Variants in EVI5 observed in about 807,000 individuals in gnomAD.
The protein encoded by EVI5 is ecotropic viral integration site 5, also known as ecotropic viral integration site 5 protein homolog.
In EVI5, 73 loss-of-function variants were observed where a neutral mutation model predicts 112.0. The ratio of observed to expected loss-of-function variants is 0.65; its 90% CI spans 0.54 to 0.79. The LOEUF is 0.79. Among genes scored for constraint, EVI5 ranks in the 30% least tolerant of loss-of-function variants. EVI5 has a pLI of 0.00. For missense variants in EVI5, 900 were observed against 968.8 expected (o/e 0.93, Z 0.94); for synonymous variants, 305 against 319.9 (o/e 0.95, Z 0.50).
At chr1:92,764,283 C>T (rs1261802348) in intron 1 of EVI5, among the ~76,000 whole-genome samples, 2 of 152,146 alleles carry the variant, frequency 1.3e-5, no homozygotes, top group East Asian at 3.8e-4. Context: ...TTCAAAACAT[C>T]TGAGTACAGC....
intron 2 of EVI5, among the ~76,000 whole-genome samples, chr1:92,715,656 C>T (rs762986594): frequency 2.0e-5 from 3 of 152,144 alleles, no homozygotes; most frequent in Admixed American, 6.5e-5. Context: ...CAGGGCGGGG[C>T]GTCACCTCAC....
chr1:92,765,215 C>T (rs1421423184), intron 1 of EVI5, among the ~76,000 whole-genome samples: 14 of 116,408 alleles, frequency 1.2e-4, no homozygotes, highest in Admixed American at 2.0e-4. Flanking sequence ...TTTTTCCTTC[C>T]TTTTTTTTTT....
rs770888665 is a variant in EVI5, at chr1:92,613,516, C to T, written c.1828-5789G>A. 4.3e-4 allele frequency among the ~76,000 whole-genome samples: 66 copies of T among 152,144 alleles called. 1 individual carries two copies. Among genetic ancestry groups the T allele is most frequent in the Non-Finnish European group, 9.3e-4 (63 of 68,022 alleles). The stretch of plus-strand genomic sequence containing the variant: ...GTTTCACCATGCTGGTCTTAAACTC[C>T]TGACCTCAGGTCATCCACCTGCCTC... On this transcript the variant is annotated intron_variant, in intron 16 of 19. Coordinates refer to ENST00000684568, the MANE Select transcript of EVI5 (RefSeq NM_001350197.2).
chr1:92,633,455 T>C (rs1657668839), intron 14 of EVI5, among the ~76,000 whole-genome samples: 1 of 152,192 alleles, frequency 6.6e-6, no homozygotes, highest in Non-Finnish European at 1.5e-5. Flanking sequence ...TTGATCTTTG[T>C]TGGTTTAAAG....
rs200628368 is a variant in EVI5, at chr1:92,694,389, C to T, written c.910-1G>A. ...CTACACGAAACACTATTTCTAAACC[C>T]TGAGGAAACAAATTAAATAAATCCA... On this transcript the variant is annotated splice_acceptor_variant, in intron 7 of 19. Transcript: ENST00000684568. LOFTEE classifies it high-confidence loss of function. 4.5e-5 allele frequency: 71 copies of T among 1,561,924 alleles called. No individual in the cohort carries two copies. The highest frequency in any genetic ancestry group is 5.9e-5 in the Non-Finnish European group (68 of 1,144,942).
chr1:92,701,457 T>C (rs916077855), intron 5 of EVI5, among the ~76,000 whole-genome samples: 14 of 152,200 alleles, frequency 9.2e-5, no homozygotes, highest in Admixed American at 7.9e-4. Flanking sequence ...AAAACCACCC[T>C]ATATGACTCA....
intron 14 of EVI5, 54 bp from the exon 15 acceptor site, chr1:92,625,988 A>G: frequency 9.0e-7 from 1 of 1,106,966 alleles, no homozygotes; most frequent in East Asian, 2.4e-5. Context: ...AATAAAATAC[A>G]GCACACACAA....
chr1:92,646,101 T>A (rs1007727938), intron 13 of EVI5, among the ~76,000 whole-genome samples: 1 of 152,240 alleles, frequency 6.6e-6, no homozygotes, highest in East Asian at 1.9e-4. Context: ...TCTACTGCAA[T>A]CACTTAAATG....
At chr1:92,541,431 A>C (rs1664785863) in intron 19 of EVI5, among the ~76,000 whole-genome samples, 1 of 152,180 alleles carries the variant, frequency 6.6e-6, no homozygotes, top group Admixed American at 6.5e-5. Context: ...CAAAACCATA[A>C]TGAGATACTA....
rs1394335990 is a variant in EVI5 at position 92,509,433 on chromosome 1, CAAA to C, written c.*4220_*4222del. 1 of 151,744 alleles carries C rather than the reference CAAA, an allele frequency of 6.6e-6. No individual in the cohort carries two copies. Among genetic ancestry groups the C allele is most frequent in the Non-Finnish European group, 1.5e-5 (1 of 68,188 alleles). 9.4% of individuals were successfully genotyped at this position (151,744 alleles called of 1,614,324 possible). A position where few individuals can be genotyped will look rare whatever the true frequency, so the allele number is the denominator to read the frequency against. On this transcript the variant is annotated 3_prime_UTR_variant, in exon 20 of 20. Coordinates refer to ENST00000684568, the MANE Select transcript of EVI5 (RefSeq NM_001350197.2). ...AAAAACAAACAAACAAACAAACAAA[CAAA>C]AAAGACGGTGGGGGCAGAAATTGTG... is the stretch of plus-strand genomic sequence containing the variant.
intron 17 of EVI5, among the ~76,000 whole-genome samples, chr1:92,606,538 T>A (rs1010088953): frequency 1.3e-5 from 2 of 152,332 alleles, no homozygotes; most frequent in South Asian, 2.1e-4. Context: ...ACTGTGCTTT[T>A]AGTAGGAATT....
intron 14 of EVI5, among the ~76,000 whole-genome samples, chr1:92,633,131 TGAAA>T (rs775744795): frequency 3.3e-5 from 5 of 152,210 alleles, no homozygotes; most frequent in Non-Finnish European, 7.3e-5. Context: ...TGTGTGCTGC[TGAAA>T]GAATGTATAT....
intron 18 of EVI5, among the ~76,000 whole-genome samples, chr1:92,570,837 T>C (rs1180582873): frequency 2.6e-5 from 4 of 152,132 alleles, no homozygotes; most frequent in Admixed American, 6.5e-5. Context: ...TAATAGCACT[T>C]TGATTTCTTT....
intron 2 of EVI5, among the ~76,000 whole-genome samples, chr1:92,706,423 C>T (rs905523757): frequency 5.9e-5 from 9 of 152,106 alleles, no homozygotes; most frequent in Admixed American, 2.0e-4. Flanking sequence ...CTGAAATAAC[C>T]TGAATCCTAG....
chr1:92,624,266 T>C lies in EVI5; in HGVS notation c.1737A>G (p.Gln579=), dbSNP rs7514716. Residue 579 remains glutamine (Q), a synonymous_variant, in exon 16 of 20, where the codon CAA becomes CAG. Transcript: ENST00000684568. ...TAAGTCGAATGGTCATCAGTTCATC[T>C]TGTAACTCATTCATAGCATTTTTCT... ...PPKKNAMNEL[Q]DELMTIRLRE... 0.91 allele frequency: 1,468,904 copies of C among 1,612,592 alleles called. 669,761 individuals are homozygous for C. Among genetic ancestry groups the C allele is most frequent in the East Asian group, 0.97 (43,645 of 44,836 alleles).
chr1:92,708,074 C>G (rs1014584995), intron 2 of EVI5, among the ~76,000 whole-genome samples: 7 of 152,020 alleles, frequency 4.6e-5, no homozygotes, highest in Non-Finnish European at 1.0e-4. Context: ...AGGAATAAAT[C>G]TTCATGACTT....
chr1:92,594,759 T>C (rs1571782354), intron 18 of EVI5, among the ~76,000 whole-genome samples: 1 of 149,290 alleles, frequency 6.7e-6, no homozygotes, highest in East Asian at 2.0e-4. Context: ...GGGCGAAGGA[T>C]ATGAACAGAC....
chr1:92,734,074 T>C (rs954629139), intron 2 of EVI5, among the ~76,000 whole-genome samples: 4 of 152,252 alleles, frequency 2.6e-5, no homozygotes, highest in African/African-American at 9.6e-5. Context: ...AAGTATAGCC[T>C]CGCTGTCTAC....
intron 1 of EVI5, among the ~76,000 whole-genome samples, chr1:92,742,032 G>A (rs1422649436): frequency 1.3e-5 from 2 of 151,752 alleles, no homozygotes; most frequent in Non-Finnish European, 2.9e-5. Context: ...CCAGAAAAAT[G>A]AAAGCAAATA....
Sources: gnomAD v4.1 joint callset for allele counts (sites outside exome capture counted in the v4.1 genomes callset) on GRCh38, gnomAD v4.1.1 for gene constraint, MANE v1.5 for transcripts, NCBI Gene and HGNC (gene_info 2026-07-23, HGNC 2026-07-21) for gene names.